The following MYO16 variants were observed in gnomAD, a reference collection of about 807,000 sequenced individuals.
MYO16 encodes the protein unconventional myosin-XVI.
MYO16 carries 94 observed loss-of-function variants against 205.3 expected under a neutral mutation model. That is an observed-to-expected ratio of 0.46 (90% CI 0.39 to 0.54). The LOEUF is 0.54. Among genes scored for constraint, MYO16 ranks in the 20% least tolerant of loss-of-function variants. The pLI is 0.00. For synonymous variants in MYO16, 988 were observed against 954.0 expected, an observed-to-expected ratio of 1.04 and a Z score of -0.66; for missense variants, 2,315 against 2,387.5, an observed-to-expected ratio of 0.97 and a Z score of 0.63.
chr13:108,603,868 A>T (rs1195819997), intron 1 of MYO16, among the ~76,000 whole-genome samples: 1 of 152,180 alleles, frequency 6.6e-6, no homozygotes, highest in African/African-American at 2.4e-5. Context: ...TAACAAATAC[A>T]TTCAATAAAT....
intron 24 of MYO16, among the ~76,000 whole-genome samples, chr13:109,049,215 A>G (rs1292499613): frequency 6.6e-6 from 1 of 151,884 alleles, no homozygotes; most frequent in Non-Finnish European, 1.5e-5. Flanking sequence ...CAGTATTTAT[A>G]TAGAGTGACA....
chr13:108,883,480 G>C (rs1335779920), intron 13 of MYO16, among the ~76,000 whole-genome samples: 1 of 152,052 alleles, frequency 6.6e-6, no homozygotes, highest in Non-Finnish European at 1.5e-5. Context: ...AAAACATGGA[G>C]AAAGAAAAAC....
intron 1 of MYO16, among the ~76,000 whole-genome samples, chr13:108,612,455 G>A (rs1879211015): frequency 6.6e-6 from 1 of 152,160 alleles, no homozygotes; most frequent in African/African-American, 2.4e-5. Flanking sequence ...TGTCTGCACA[G>A]TCTTGACAGA....
At chr13:108,635,442 C>A (rs1205140175) in intron 1 of MYO16, among the ~76,000 whole-genome samples, 1 of 151,870 alleles carries the variant, frequency 6.6e-6, no homozygotes, top group East Asian at 1.9e-4. Flanking sequence ...TTCATGTAAA[C>A]CTTTATGTAA....
chr13:109,025,512 A>T, intron 23 of MYO16, among the ~76,000 whole-genome samples: 1 of 152,194 alleles, frequency 6.6e-6, no homozygotes. Flanking sequence ...AATGAGCATG[A>T]ATCTGAATTA....
chr13:108,554,167 C>G, the MYO16 span, among the ~76,000 whole-genome samples: 1 of 151,964 alleles, frequency 6.6e-6, no homozygotes, highest in South Asian at 2.1e-4. Flanking sequence ...CGACAAATTA[C>G]AGAAATTGTA....
At chr13:108,767,668 G>A (rs1226331625) in intron 4 of MYO16, among the ~76,000 whole-genome samples, 1 of 151,984 alleles carries the variant, frequency 6.6e-6, no homozygotes, top group African/African-American at 2.4e-5. Flanking sequence ...AAGAGTGAAG[G>A]GAAGAAGGCA....
chr13:109,021,155 A>C (rs1297623070), intron 23 of MYO16, among the ~76,000 whole-genome samples: 1 of 152,110 alleles, frequency 6.6e-6, no homozygotes, highest in Non-Finnish European at 1.5e-5. Flanking sequence ...GTTGTATAGG[A>C]GAGAATCCAT....
chr13:108,542,406 C>A, the MYO16 span, among the ~76,000 whole-genome samples: 368 of 152,158 alleles, frequency 2.4e-3, 1 homozygote, highest in African/African-American at 8.5e-3. Flanking sequence ...TGTAAACCAA[C>A]CCCCAACCCC....
intron 2 of MYO16, among the ~76,000 whole-genome samples, chr13:108,701,006 C>T (rs985770011): frequency 6.6e-6 from 1 of 152,104 alleles, no homozygotes; most frequent in Admixed American, 6.5e-5. Context: ...AAGCCCAGAT[C>T]CTAAGCGAAG....
intron 27 of MYO16, among the ~76,000 whole-genome samples, chr13:109,080,599 T>C (rs1888254890): frequency 1.3e-5 from 2 of 151,750 alleles, no homozygotes; most frequent in Admixed American, 1.3e-4. Flanking sequence ...AAAAAATGCT[T>C]TGGCTCAGGA....
intron 2 of MYO16, among the ~76,000 whole-genome samples, chr13:108,677,675 T>C (rs960774370): frequency 2.6e-5 from 4 of 152,098 alleles, no homozygotes; most frequent in Admixed American, 6.6e-5. Flanking sequence ...TCTCGCGCCA[T>C]ACAATGTTAT....
the MYO16 span, among the ~76,000 whole-genome samples, chr13:108,584,516 A>T: frequency 6.6e-6 from 1 of 151,812 alleles, no homozygotes; most frequent in African/African-American, 2.4e-5. Context: ...GAAATATACA[A>T]TTTTTTTATT....
In MYO16 at chr13:108,897,957, T is replaced by C. The variant is rs984277982; in HGVS notation, c.1660-59T>C. 7.0e-6 allele frequency: 9 copies of C among 1,279,046 alleles called. No individual in the cohort carries two copies. The Admixed American group carries it at 8.5e-5, about 12-fold the overall frequency. The allele number at this position is 1,279,046 out of a possible 1,614,324, so 79.2% of individuals were successfully genotyped here. A position where few individuals can be genotyped will look rare whatever the true frequency, so the allele number is the denominator to read the frequency against. ...TTATTCACTGCATCGTCGCTATTAC[T>C]CATCAATTTTATTTCTTAAAATATG... On this transcript the variant is annotated intron_variant, in intron 14 of 34. Coordinates refer to ENST00000457511, the MANE Select transcript of MYO16 (RefSeq NM_001198950.3).
At chr13:109,187,296 A>G (rs1013700152) in intron 34 of MYO16, among the ~76,000 whole-genome samples, 1 of 152,126 alleles carries the variant, frequency 6.6e-6, no homozygotes, top group Admixed American at 6.5e-5. Context: ...GTTTAGCTAG[A>G]AGTCTATCAA....
chr13:108,903,232 C>G lies in MYO16; in HGVS notation c.1777+5099C>G, dbSNP rs185146655. Among the ~76,000 whole-genome samples, 223 of 152,310 alleles carry G rather than the reference C, an allele frequency of 1.5e-3. 1 individual carries two copies. In the Middle Eastern group the frequency reaches 0.034, roughly 23 times the overall value. ...CATGGTAGGAAACAATCTCCTACCC[C>G]TGGAATTGCGAACAGCATATTGTTA... On this transcript the variant is annotated intron_variant, in intron 15 of 34. Transcript: ENST00000457511.
At chr13:108,919,387 C>A (rs915169314) in intron 16 of MYO16, among the ~76,000 whole-genome samples, 5 of 152,246 alleles carry the variant, frequency 3.3e-5, no homozygotes, top group Admixed American at 6.5e-5. Context: ...ACTCAAAAAT[C>A]TTTAATAAAT....
chr13:108,704,794 T>C (rs569879459), intron 2 of MYO16, among the ~76,000 whole-genome samples: 39 of 152,018 alleles, frequency 2.6e-4, no homozygotes, highest in Non-Finnish European at 5.3e-4. Flanking sequence ...TAGTGAACAA[T>C]ATCCAATGCC....
intron 16 of MYO16, among the ~76,000 whole-genome samples, chr13:108,917,004 G>T (rs925818890): frequency 1.3e-5 from 2 of 152,136 alleles, no homozygotes; most frequent in Admixed American, 6.5e-5. Context: ...GAGAGCGGAG[G>T]TTATGTTTGC....
Sources: allele counts gnomAD v4.1 joint callset (sites outside exome capture counted in the v4.1 genomes callset), GRCh38; gene constraint gnomAD v4.1.1; transcripts MANE v1.5; gene names NCBI Gene and HGNC (gene_info 2026-07-23, HGNC 2026-07-21).